The following TMEM117 variants were observed in gnomAD, a reference collection of about 807,000 sequenced individuals.
The protein encoded by TMEM117 is transmembrane protein 117.
Under a neutral mutation model 52.4 loss-of-function variants are expected in TMEM117, and 27 were observed. That is an observed-to-expected ratio of 0.51 (90% CI 0.38 to 0.71). TMEM117 has a LOEUF of 0.71. Ranked by LOEUF, TMEM117 falls within the 30% of genes least tolerant of loss-of-function variation. TMEM117 has a pLI of 0.00. For missense variants in TMEM117, 556 were observed against 630.5 expected, an observed-to-expected ratio of 0.88 and a Z score of 1.26; for synonymous variants, 215 against 206.3, an observed-to-expected ratio of 1.04 and a Z score of -0.36.
At chr12:44,221,521 T>C (rs2138425999) in intron 5 of TMEM117, among the ~76,000 whole-genome samples, 1 of 152,330 alleles carries the variant, frequency 6.6e-6, no homozygotes, top group South Asian at 2.1e-4. Flanking sequence ...TAGTTGATCA[T>C]GTCTTCCTCA....
intron 5 of TMEM117, among the ~76,000 whole-genome samples, chr12:44,216,380 A>C (rs1403050321): frequency 6.6e-6 from 1 of 152,114 alleles, no homozygotes; most frequent in East Asian, 1.9e-4. Flanking sequence ...GGATTCCCTG[A>C]ATGACCAGGA....
intron 3 of TMEM117, among the ~76,000 whole-genome samples, chr12:43,999,638 C>T (rs1377810095): frequency 6.6e-6 from 1 of 152,050 alleles, no homozygotes; most frequent in Non-Finnish European, 1.5e-5. Context: ...CCACCACAGC[C>T]AGCTAGTATT....
intron 5 of TMEM117, among the ~76,000 whole-genome samples, chr12:44,264,612 C>T (rs1183273821): frequency 2.0e-5 from 3 of 152,064 alleles, no homozygotes; most frequent in Non-Finnish European, 4.4e-5. Context: ...GACTGAGCAA[C>T]TTTTATTATT....
In TMEM117 at chr12:44,360,371, G is replaced by C. The variant is rs115036384; in HGVS notation, c.769-16224G>C. Among the ~76,000 whole-genome samples, 1,064 of 151,982 alleles carry C rather than the reference G, an allele frequency of 7.0e-3. 13 individuals are homozygous for C. Among genetic ancestry groups the C allele is most frequent in the African/African-American group, 0.023 (957 of 41,480 alleles). ...GAGGTGGAAGGATCACCTGAAGTCA[G>C]GCATTTTAGACCAGCCAACATAGTG... On this transcript the variant is annotated intron_variant, in intron 6 of 7. Transcript: ENST00000266534.
intron 2 of TMEM117, among the ~76,000 whole-genome samples, chr12:43,932,401 A>G (rs1200250955): frequency 7.1e-6 from 1 of 140,532 alleles, no homozygotes; most frequent in Non-Finnish European, 1.5e-5. Context: ...ACCCTTTTTG[A>G]TGGTGATCAC....
At chr12:44,081,764 A>G (rs560422984) in intron 3 of TMEM117, among the ~76,000 whole-genome samples, 89 of 152,090 alleles carry the variant, frequency 5.9e-4, no homozygotes, top group Non-Finnish European at 1.2e-3. Flanking sequence ...TAAATCTCCA[A>G]TCTCATCAAG....
chr12:44,054,204 A>G (rs992862237), intron 3 of TMEM117, among the ~76,000 whole-genome samples: 1 of 152,144 alleles, frequency 6.6e-6, no homozygotes, highest in Non-Finnish European at 1.5e-5. Context: ...ATATTTTCCT[A>G]TTTTGGAAGG....
chr12:44,078,396 G>A (rs1001786316), intron 3 of TMEM117, among the ~76,000 whole-genome samples: 6 of 152,184 alleles, frequency 3.9e-5, no homozygotes, highest in East Asian at 1.9e-4. Flanking sequence ...GCTCTTTAAC[G>A]TTCTAGGAAA....
the TMEM117 span, among the ~76,000 whole-genome samples, chr12:44,395,778 T>G: frequency 6.6e-6 from 1 of 152,176 alleles, no homozygotes; most frequent in African/African-American, 2.4e-5. Flanking sequence ...TGTAAGAATT[T>G]TCAGGAATAG....
chr12:44,120,098 A>G (rs1486220302), intron 3 of TMEM117, among the ~76,000 whole-genome samples: 9 of 152,276 alleles, frequency 5.9e-5, no homozygotes, highest in Non-Finnish European at 1.5e-5. Flanking sequence ...CACCTGGGCA[A>G]TTGTCTGGTG....
chr12:44,186,589 T>G (rs1949281175), intron 4 of TMEM117, among the ~76,000 whole-genome samples: 1 of 152,146 alleles, frequency 6.6e-6, no homozygotes, highest in South Asian at 2.1e-4. Flanking sequence ...TAGCCTATTT[T>G]TGCAAGGAGC....
At chr12:44,263,523 C>T (rs1194400738) in intron 5 of TMEM117, 1 of 152,122 alleles carries the variant, frequency 6.6e-6, no homozygotes. Context: ...AATCATTCTA[C>T]CATAAAGACA....
intron 3 of TMEM117, among the ~76,000 whole-genome samples, chr12:44,128,936 T>C (rs1010815332): frequency 6.6e-6 from 1 of 152,192 alleles, no homozygotes; most frequent in Non-Finnish European, 1.5e-5. Flanking sequence ...AACTTTAAAC[T>C]TGATGCTTTG....
chr12:44,005,755 A>G (rs1946184116), intron 3 of TMEM117, among the ~76,000 whole-genome samples: 1 of 152,200 alleles, frequency 6.6e-6, no homozygotes, highest in African/African-American at 2.4e-5. Context: ...CCCACATGTT[A>G]CAGGAGAGAC....
intron 6 of TMEM117, among the ~76,000 whole-genome samples, chr12:44,355,909 G>A (rs1951641313): frequency 6.6e-6 from 1 of 152,092 alleles, no homozygotes; most frequent in African/African-American, 2.4e-5. Context: ...GCTAGCACTG[G>A]AGGGAGACTG....
chr12:43,860,187 G>A (rs192795459), intron 2 of TMEM117, among the ~76,000 whole-genome samples: 54 of 151,912 alleles, frequency 3.6e-4, no homozygotes, highest in African/African-American at 1.2e-3. Context: ...CCCCCACCCC[G>A]TGACAGGGCC....
intron 3 of TMEM117, among the ~76,000 whole-genome samples, chr12:43,950,070 G>GA (rs1198472678): frequency 3.3e-5 from 5 of 152,120 alleles, no homozygotes; most frequent in East Asian, 1.9e-4. Context: ...TTCTTTTAGT[G>GA]AAAAAAATCA....
chr12:44,290,568 G>A (rs1254461266), intron 5 of TMEM117, among the ~76,000 whole-genome samples: 1 of 152,134 alleles, frequency 6.6e-6, no homozygotes, highest in South Asian at 2.1e-4. Context: ...TATGCCAGTA[G>A]CATACTGTTT....
At chr12:44,392,047 G>A (rs1316196808), downstream of TMEM117, among the ~76,000 whole-genome samples, 1 of 152,046 alleles carries the variant, frequency 6.6e-6, no homozygotes, top group Non-Finnish European at 1.5e-5. Context: ...CCATTTAGAC[G>A]TTTAAACATG....
Sources: gnomAD v4.1 joint callset for allele counts (sites outside exome capture counted in the v4.1 genomes callset) on GRCh38, gnomAD v4.1.1 for gene constraint, MANE v1.5 for transcripts, NCBI Gene and HGNC (gene_info 2026-07-23, HGNC 2026-07-21) for gene names.